EML4: variants seen among roughly 807,000 people sequenced by gnomAD.
EML4 encodes echinoderm microtubule-associated protein-like 4.
A neutral mutation model predicts 129.0 loss-of-function variants in EML4; 72 were observed. The observed-to-expected ratio is 0.56, with a 90% CI of 0.46 to 0.68. The LOEUF (loss-of-function observed/expected upper bound fraction) is 0.68, where lower values mean the gene tolerates loss of function less well. Among genes scored for constraint, EML4 ranks in the 30% least tolerant of loss-of-function variants. The pLI is 0.00. For synonymous variants in EML4, 532 were observed against 405.0 expected, an observed-to-expected ratio of 1.31 and a Z score of -3.77; for missense variants, 1,363 against 1,190.6, an observed-to-expected ratio of 1.14 and a Z score of -2.13.
chr2:42,172,837 G>A (rs1670357730), intron 1 of EML4, among the ~76,000 whole-genome samples: 1 of 152,076 alleles, frequency 6.6e-6, no homozygotes, highest in Non-Finnish European at 1.5e-5. Context: ...GGCAGGGATT[G>A]GGTGCATTTC....
At chr2:42,255,989 A>G (rs1676123911) in intron 2 of EML4, among the ~76,000 whole-genome samples, 3 of 152,230 alleles carry the variant, frequency 2.0e-5, no homozygotes, top group Admixed American at 2.0e-4. Flanking sequence ...TGACCACACT[A>G]ATATACCAGT....
At chr2:42,239,038 G>C (rs1442009382) in intron 1 of EML4, among the ~76,000 whole-genome samples, 2 of 152,160 alleles carry the variant, frequency 1.3e-5, no homozygotes, top group African/African-American at 4.8e-5. Context: ...CAAAAGTGCT[G>C]AATTATAGGC....
chr2:42,208,124 C>T (rs1672669127), intron 1 of EML4: 3 of 152,134 alleles, frequency 2.0e-5, no homozygotes, highest in Admixed American at 2.0e-4. Flanking sequence ...ACTCATGTTT[C>T]TGCATTTATT....
intron 1 of EML4, among the ~76,000 whole-genome samples, chr2:42,179,755 A>T (rs554694911): frequency 1.3e-5 from 2 of 152,162 alleles, no homozygotes; most frequent in Non-Finnish European, 2.9e-5. Flanking sequence ...GGCACATGCC[A>T]CCATGCCCGG....
intron 6 of EML4, among the ~76,000 whole-genome samples, chr2:42,273,737 C>G (rs888852352): frequency 2.6e-5 from 4 of 152,100 alleles, no homozygotes; most frequent in Non-Finnish European, 5.9e-5. Context: ...TTAGCAAGTA[C>G]TGGAACTAAA....
intron 14 of EML4, among the ~76,000 whole-genome samples, chr2:42,301,772 C>T (rs1028790376): frequency 6.6e-6 from 1 of 151,852 alleles, no homozygotes. Flanking sequence ...AAAGAGGATC[C>T]TGATAGTACT....
At chr2:42,301,808 A>C (rs1022530842) in intron 14 of EML4, among the ~76,000 whole-genome samples, 2 of 152,140 alleles carry the variant, frequency 1.3e-5, no homozygotes, top group African/African-American at 4.8e-5. Flanking sequence ...TTCCAGGAAG[A>C]TAGATAATAA....
chr2:42,310,304 T>C (rs1394826678), intron 17 of EML4, among the ~76,000 whole-genome samples: 1 of 151,384 alleles, frequency 6.6e-6, no homozygotes, highest in Non-Finnish European at 1.5e-5. Context: ...CATTCCCCTT[T>C]CCCTTCCCCT....
chr2:42,311,167 C>T (rs1370813374), intron 17 of EML4, among the ~76,000 whole-genome samples: 1 of 152,140 alleles, frequency 6.6e-6, no homozygotes, highest in Non-Finnish European at 1.5e-5. Flanking sequence ...TCTAGGGTTT[C>T]ATTACATTCT....
At chr2:42,175,249 G>T (rs931719190) in intron 1 of EML4, among the ~76,000 whole-genome samples, 1 of 152,122 alleles carries the variant, frequency 6.6e-6, no homozygotes, top group Admixed American at 6.5e-5. Context: ...GAGTAGCTGG[G>T]ACTACAGGCA....
chr2:42,326,709 C>T (rs149456147), intron 21 of EML4, among the ~76,000 whole-genome samples: 1 of 152,134 alleles, frequency 6.6e-6, no homozygotes, highest in African/African-American at 2.4e-5. Flanking sequence ...TGGTGAAACC[C>T]TGTCTCTGCT....
At chr2:42,192,247 G>T (rs535560164) in intron 1 of EML4, among the ~76,000 whole-genome samples, 4 of 148,894 alleles carry the variant, frequency 2.7e-5, no homozygotes, top group African/African-American at 5.0e-5. Flanking sequence ...TTTTTTTGGG[G>T]GGGGGAGGTG....
chr2:42,187,783 C>T (rs894337416), intron 1 of EML4, among the ~76,000 whole-genome samples: 5 of 152,074 alleles, frequency 3.3e-5, no homozygotes, highest in Non-Finnish European at 7.4e-5. Context: ...CTGTGGCTTG[C>T]CCTTTCATAA....
chr2:42,264,117 T>G lies in EML4; in HGVS notation c.642-589T>G, dbSNP rs1281492158. On this transcript the variant is annotated intron_variant, in intron 5 of 22. Transcript: ENST00000318522. ...AAACAATACGTGTTTTTTTTTTTTTTTTTTTTTTTTTTGAGACAGTGTCTC... is the reference window on the plus strand; with the variant it reads ...AAACAATACGTGTTTTTTTTTTTTTGTTTTTTTTTTTTGAGACAGTGTCTC... 8.8e-4 allele frequency among the ~76,000 whole-genome samples: 123 copies of G among 140,424 alleles called. 1 individual carries two copies. Among genetic ancestry groups the G allele is most frequent in the Middle Eastern group, 3.5e-3 (1 of 286 alleles). The allele number at this position is 140,424 out of a possible 152,430, so 92.1% of individuals were successfully genotyped here.
At chr2:42,315,915 A>G in intron 17 of EML4, 47 bp from the exon 18 acceptor site, 1 of 1,383,908 alleles carries the variant, frequency 7.2e-7, no homozygotes, top group Non-Finnish European at 1.0e-6. Flanking sequence ...TTTTTTTTCT[A>G]TAAATGCTAA....
intron 1 of EML4, among the ~76,000 whole-genome samples, chr2:42,216,751 T>G (rs1412185280): frequency 2.6e-5 from 4 of 152,244 alleles, no homozygotes; most frequent in Non-Finnish European, 5.9e-5. Context: ...GCTGGACTGC[T>G]ATTTTTAACC....
intron 3 of EML4, among the ~76,000 whole-genome samples, chr2:42,258,184 C>T (rs1665469041): frequency 6.6e-6 from 1 of 152,044 alleles, no homozygotes; most frequent in Admixed American, 6.6e-5. Context: ...TTAAATAACC[C>T]AGAAGGAAAA....
rs932332677 is a variant in EML4 at position 42,193,410 on chromosome 2, C to T, written c.25+23774C>T. On this transcript the variant is annotated intron_variant, in intron 1 of 22. Coordinates refer to ENST00000318522, the MANE Select transcript of EML4 (RefSeq NM_019063.5). Reference sequence around the variant, plus strand: ...TAGTAGAAGCTGGTTTTTAGATGAACGATAAAAAGAGTAAAAGCATTTAGA... The same window carrying T: ...TAGTAGAAGCTGGTTTTTAGATGAATGATAAAAAGAGTAAAAGCATTTAGA... Among the ~76,000 whole-genome samples, 15 of 148,112 alleles carry T rather than the reference C, an allele frequency of 1.0e-4. No homozygotes were observed. The East Asian group carries it at 1.4e-3, about 14-fold the overall frequency.
chr2:42,298,568 C>T (rs1014500594), intron 13 of EML4, among the ~76,000 whole-genome samples: 22 of 151,996 alleles, frequency 1.4e-4, no homozygotes, highest in African/African-American at 4.8e-4. Flanking sequence ...AAATTAGAAA[C>T]ACTAAATTTT....
Sources: gnomAD v4.1 joint callset for allele counts (sites outside exome capture counted in the v4.1 genomes callset) on GRCh38, gnomAD v4.1.1 for gene constraint, MANE v1.5 for transcripts, NCBI Gene and HGNC (gene_info 2026-07-23, HGNC 2026-07-21) for gene names.